GSK3B: variants seen among roughly 807,000 people sequenced by gnomAD.
GSK3B encodes glycogen synthase kinase-3 beta.
A neutral mutation model predicts 56.4 loss-of-function variants in GSK3B; 15 were observed. That is an observed-to-expected ratio of 0.27 (90% confidence interval 0.18 to 0.41). The LOEUF is 0.41. GSK3B is among the 10% of genes least tolerant of loss of function. The pLI is 1.00. For synonymous variants in GSK3B, 181 were observed against 188.9 expected (o/e 0.96, Z 0.34); for missense variants, 300 against 513.4 (o/e 0.58, Z 4.02).
intron 1 of GSK3B, among the ~76,000 whole-genome samples, chr3:120,048,242 T>G (rs1452878606): frequency 6.6e-6 from 1 of 152,154 alleles, no homozygotes; most frequent in African/African-American, 2.4e-5. Flanking sequence ...ATAATAAATA[T>G]AGAATGTGAT....
At chr3:119,895,949 A>G (rs1687512040) in intron 7 of GSK3B, among the ~76,000 whole-genome samples, 1 of 151,986 alleles carries the variant, frequency 6.6e-6, no homozygotes, top group South Asian at 2.1e-4. Context: ...CAACATGGTG[A>G]AAACCTATCT....
chr3:119,975,665 T>A (rs2057402776), intron 2 of GSK3B, among the ~76,000 whole-genome samples: 2 of 152,220 alleles, frequency 1.3e-5, no homozygotes, highest in African/African-American at 4.8e-5. Context: ...GTATTTTGTA[T>A]GATACTCTAA....
intron 3 of GSK3B, among the ~76,000 whole-genome samples, chr3:119,930,945 G>A (rs190283826): frequency 1.3e-5 from 2 of 152,294 alleles, no homozygotes; most frequent in East Asian, 3.9e-4. Context: ...GTCTGCTATA[G>A]GCTGAACAAT....
intron 1 of GSK3B, among the ~76,000 whole-genome samples, chr3:120,024,409 G>C (rs537043267): frequency 6.6e-6 from 1 of 152,090 alleles, no homozygotes; most frequent in African/African-American, 2.4e-5. Flanking sequence ...GACATTCTTT[G>C]ACATTCTTTA....
intron 4 of GSK3B, among the ~76,000 whole-genome samples, chr3:119,921,178 G>A (rs1281785805): frequency 6.6e-6 from 1 of 152,110 alleles, no homozygotes; most frequent in Non-Finnish European, 1.5e-5. Flanking sequence ...GGATGCTATG[G>A]AATAGACTAT....
At chr3:119,974,414 T>G (rs1263735219) in intron 2 of GSK3B, among the ~76,000 whole-genome samples, 1 of 151,704 alleles carries the variant, frequency 6.6e-6, no homozygotes, top group African/African-American at 2.4e-5. Flanking sequence ...GACTCTGAGA[T>G]TAATACCCTT....
chr3:120,004,709 A>G (rs1312762843), intron 1 of GSK3B, among the ~76,000 whole-genome samples: 1 of 152,204 alleles, frequency 6.6e-6, no homozygotes, highest in Non-Finnish European at 1.5e-5. Context: ...AAACTAACAA[A>G]CAGAAAGGAA....
intron 2 of GSK3B, among the ~76,000 whole-genome samples, chr3:119,976,533 T>G (rs1293437631): frequency 6.6e-6 from 1 of 152,016 alleles, no homozygotes; most frequent in African/African-American, 2.4e-5. Flanking sequence ...AGTAGATCAG[T>G]AGTTTCCAGG....
At chr3:120,026,554 A>ACACACACACACACACACAC (rs1559881737) in intron 1 of GSK3B, among the ~76,000 whole-genome samples, 5 of 64,386 alleles carry the variant, frequency 7.8e-5, no homozygotes, top group Non-Finnish European at 1.5e-4. Flanking sequence ...CACACACACA[A>ACACACACACACACACACAC]ACACACACAC....
Position 119,869,468 on chromosome 3 carries a change from A to G in GSK3B, c.910-5863T>C, listed in dbSNP as rs1010162882. ...TGAATTCAGCTCAAGTCTACTGCAT[A>G]ATTTTCTAAGCCTTTTCGTTAAGAT... On this transcript the variant is annotated intron_variant, in intron 8 of 10. Coordinates refer to ENST00000264235, the MANE Select transcript of GSK3B (RefSeq NM_001146156.2). 5.3e-4 allele frequency among the ~76,000 whole-genome samples: 81 copies of G among 152,148 alleles called. 3 individuals are homozygous for G.
intron 7 of GSK3B, among the ~76,000 whole-genome samples, chr3:119,898,112 C>T (rs1381558828): frequency 6.6e-6 from 1 of 152,136 alleles, no homozygotes; most frequent in Non-Finnish European, 1.5e-5. Flanking sequence ...TAAATGTGCT[C>T]AGCACAATTA....
chr3:119,974,911 A>G (rs1320111128), intron 2 of GSK3B, among the ~76,000 whole-genome samples: 2 of 152,200 alleles, frequency 1.3e-5, no homozygotes, highest in Non-Finnish European at 2.9e-5. Flanking sequence ...GCCACTTTAG[A>G]AGACAGGTTA....
intron 1 of GSK3B, among the ~76,000 whole-genome samples, chr3:120,065,422 C>T (rs776502110): frequency 1.2e-3 from 178 of 152,000 alleles, no homozygotes; most frequent in Non-Finnish European, 2.3e-3. Flanking sequence ...CATGAAATAC[C>T]AGTTCATACC....
At chr3:119,913,935 A>T (rs1231968212) in intron 5 of GSK3B, among the ~76,000 whole-genome samples, 1 of 152,124 alleles carries the variant, frequency 6.6e-6, no homozygotes, top group Non-Finnish European at 1.5e-5. Context: ...AGCATAATTG[A>T]TAGGAGACTG....
At chr3:119,879,902 C>G (rs1055076696) in intron 7 of GSK3B, among the ~76,000 whole-genome samples, 2 of 152,144 alleles carry the variant, frequency 1.3e-5, no homozygotes, top group Non-Finnish European at 2.9e-5. Context: ...CAAATCTTGG[C>G]TATTGTGAAG....
chr3:119,936,765 A>AG (rs1157498819), intron 3 of GSK3B, among the ~76,000 whole-genome samples: 1 of 152,002 alleles, frequency 6.6e-6, no homozygotes, highest in East Asian at 1.9e-4. Context: ...ACAGAATAGA[A>AG]GGGAGAAATG....
intron 1 of GSK3B, among the ~76,000 whole-genome samples, chr3:120,049,801 T>C (rs2058132928): frequency 6.6e-6 from 1 of 152,120 alleles, no homozygotes; most frequent in South Asian, 2.1e-4. Flanking sequence ...GGCCCGACAG[T>C]AAACATTTCG....
At chr3:120,072,683 G>T (rs1163167318) in intron 1 of GSK3B, among the ~76,000 whole-genome samples, 1 of 152,128 alleles carries the variant, frequency 6.6e-6, no homozygotes, top group Non-Finnish European at 1.5e-5. Context: ...CTATATTTAA[G>T]ATTCAAAGTT....
intron 10 of GSK3B, among the ~76,000 whole-genome samples, chr3:119,842,919 GA>G (rs1184872877): frequency 3.9e-5 from 6 of 151,912 alleles, no homozygotes; most frequent in African/African-American, 1.5e-4. Flanking sequence ...TTGAAAAACA[GA>G]ATTTTTTTTT....
Sources: gnomAD v4.1 joint callset for allele counts (sites outside exome capture counted in the v4.1 genomes callset) on GRCh38, gnomAD v4.1.1 for gene constraint, MANE v1.5 for transcripts, NCBI Gene and HGNC (gene_info 2026-07-23, HGNC 2026-07-21) for gene names.